Variants in RIMS2 observed in about 807,000 individuals in gnomAD.
RIMS2 encodes the protein regulating synaptic membrane exocytosis protein 2.
RIMS2 carries 59 observed loss-of-function variants against 174.4 expected under a neutral mutation model. The ratio of observed to expected loss-of-function variants is 0.34; its 90% CI spans 0.27 to 0.42. RIMS2 has a LOEUF of 0.42. Among genes scored for constraint, RIMS2 ranks in the 10% least tolerant of loss-of-function variants. The pLI is 1.00. For missense variants in RIMS2, 1,620 were observed against 1,666.3 expected (o/e 0.97, Z 0.48); for synonymous variants, 606 against 572.5 (o/e 1.06, Z -0.84).
chr8:103,949,124 C>CAAA (rs533642917), intron 14 of RIMS2, among the ~76,000 whole-genome samples: 10,738 of 43,976 alleles, frequency 0.24, 1,576 homozygotes, highest in Non-Finnish European at 0.33. Context: ...GAGACTCTGT[C>CAAA]AAAAAAAAAA....
At chr8:103,950,315 A>G (rs1222779150) in intron 14 of RIMS2, among the ~76,000 whole-genome samples, 5 of 152,156 alleles carry the variant, frequency 3.3e-5, no homozygotes, top group Non-Finnish European at 5.9e-5. Flanking sequence ...ACATATTAAA[A>G]GAAATCTGCA....
chr8:103,601,465 G>T (rs949812381), intron 1 of RIMS2, among the ~76,000 whole-genome samples: 1 of 150,654 alleles, frequency 6.6e-6, no homozygotes, highest in Non-Finnish European at 1.5e-5. Flanking sequence ...AATCTATTTT[G>T]TCTGATATAA....
At chr8:104,009,739 T>G (rs2095697102) in intron 17 of RIMS2, among the ~76,000 whole-genome samples, 1 of 152,170 alleles carries the variant, frequency 6.6e-6, no homozygotes, top group Non-Finnish European at 1.5e-5. Flanking sequence ...AAAGAATAAT[T>G]CCTAAGTAGC....
At chr8:104,139,550 C>CT in intron 19 of RIMS2, among the ~76,000 whole-genome samples, 1 of 152,066 alleles carries the variant, frequency 6.6e-6, no homozygotes, top group South Asian at 2.1e-4. Context: ...TTCTTGATTT[C>CT]TTTTTCAGAT....
chr8:103,764,023 CCCAGAGTTT>C (rs1345381052), intron 2 of RIMS2, among the ~76,000 whole-genome samples: 4 of 152,134 alleles, frequency 2.6e-5, no homozygotes, highest in African/African-American at 9.7e-5. Flanking sequence ...TGGGCACTGC[CCCAGAGTTT>C]CCTATTCAGT....
intron 2 of RIMS2, among the ~76,000 whole-genome samples, chr8:103,728,545 G>C (rs2097550675): frequency 1.3e-5 from 2 of 152,004 alleles, no homozygotes; most frequent in Admixed American, 1.3e-4. Context: ...TCCCTGTTCA[G>C]TATGTTACTA....
chr8:103,768,620 TA>T, intron 3 of RIMS2: 12 of 1,037,966 alleles, frequency 1.2e-5, no homozygotes, highest in Admixed American at 1.7e-5. Flanking sequence ...TTGGTTATTG[TA>T]AAAAAAGGAG....
intron 17 of RIMS2, among the ~76,000 whole-genome samples, chr8:103,994,386 T>C (rs2094935565): frequency 6.6e-6 from 1 of 152,214 alleles, no homozygotes; most frequent in Admixed American, 6.5e-5. Context: ...GTTTTTGCTT[T>C]TTAAAATTTA....
intron 1 of RIMS2, among the ~76,000 whole-genome samples, chr8:103,576,503 C>T (rs949139764): frequency 3.3e-5 from 5 of 152,148 alleles, no homozygotes; most frequent in Admixed American, 2.6e-4. Context: ...AGTGGCTGAC[C>T]CTAACGAGAC....
intron 2 of RIMS2, among the ~76,000 whole-genome samples, chr8:103,719,948 A>G (rs66631289): frequency 0.18 from 26,705 of 152,066 alleles, 2,525 homozygotes; most frequent in African/African-American, 0.23. Flanking sequence ...TCTTTTGACA[A>G]CAGTTATTAG....
chr8:104,215,176 G>A (rs2099124469), intron 19 of RIMS2, among the ~76,000 whole-genome samples: 1 of 152,116 alleles, frequency 6.6e-6, no homozygotes, highest in Admixed American at 6.6e-5. Context: ...TTTTATGTCA[G>A]CATATCAAGC....
chr8:103,514,239 G>C (rs934424930), intron 1 of RIMS2, among the ~76,000 whole-genome samples: 2 of 152,186 alleles, frequency 1.3e-5, no homozygotes, highest in Admixed American at 6.5e-5. Context: ...AAAATTCTTA[G>C]CATGTCAAAC....
intron 3 of RIMS2, among the ~76,000 whole-genome samples, chr8:103,817,212 T>A (rs969231469): frequency 2.0e-5 from 3 of 152,176 alleles, no homozygotes; most frequent in African/African-American, 7.2e-5. Flanking sequence ...CATTTAAAGT[T>A]ACTTGCGAGT....
chr8:103,922,686 C>T, intron 10 of RIMS2: 2 of 346,810 alleles, frequency 5.8e-6, no homozygotes, highest in Non-Finnish European at 1.2e-5. Context: ...ATTTTAAGCC[C>T]AAAAAAGATA....
At chr8:103,770,841 A>T (rs1162896349) in intron 3 of RIMS2, among the ~76,000 whole-genome samples, 20 of 152,028 alleles carry the variant, frequency 1.3e-4, no homozygotes, top group Non-Finnish European at 2.8e-4. Context: ...TGAATTGGAC[A>T]GGGAAATGGA....
chr8:103,723,393 A>G (rs79663073), intron 2 of RIMS2, among the ~76,000 whole-genome samples: 1,555 of 152,320 alleles, frequency 0.01, 30 homozygotes, highest in African/African-American at 0.035. Context: ...CTGTTCAGAG[A>G]TTCTAGACCA....
chr8:104,130,679 G>A (rs957081515), intron 19 of RIMS2, among the ~76,000 whole-genome samples: 1 of 152,118 alleles, frequency 6.6e-6, no homozygotes, highest in Non-Finnish European at 1.5e-5. Context: ...ACATTACTGA[G>A]GAAAATGTTA....
At position 104,102,555 on chromosome 8, in the gene RIMS2, A is replaced by G. The variant is rs1026242448; in HGVS notation, c.3334+87940A>G. On this transcript the variant is annotated intron_variant, in intron 19 of 23. Transcript: ENST00000504942. ...ATATAAACTGTATTAGTCCATTTTC[A>G]TACTGCTATGAAGAAATACCTGAGA... Among the ~76,000 whole-genome samples the G allele has an allele frequency of 2.0e-5, 3 of 152,318 alleles. No homozygotes were observed. The South Asian group carries it at 6.2e-4, about 32-fold the overall frequency.
At chr8:104,152,199 CT>C (rs1380492457) in intron 19 of RIMS2, among the ~76,000 whole-genome samples, 4 of 152,114 alleles carry the variant, frequency 2.6e-5, no homozygotes, top group Non-Finnish European at 4.4e-5. Context: ...AGTCTTGTTT[CT>C]TGTTATATCA....
Sources: allele counts gnomAD v4.1 joint callset (sites outside exome capture counted in the v4.1 genomes callset), GRCh38; gene constraint gnomAD v4.1.1; transcripts MANE v1.5; gene names NCBI Gene and HGNC (gene_info 2026-07-23, HGNC 2026-07-21).